PSMG2: variants seen among roughly 807,000 people sequenced by gnomAD.
The protein encoded by PSMG2 is proteasome assembly chaperone 2.
In PSMG2, 21 loss-of-function variants were observed where a neutral mutation model predicts 31.5. The observed-to-expected ratio is 0.67, with a 90% CI of 0.47 to 0.96. The LOEUF (loss-of-function observed/expected upper bound fraction) is 0.96. Among genes scored for constraint, PSMG2 ranks in the 40% least tolerant of loss-of-function variants. PSMG2 has a pLI of 0.00. For synonymous variants in PSMG2, 120 were observed against 110.4 expected (o/e 1.09, Z -0.54); for missense variants, 318 against 321.2 (o/e 0.99, Z 0.08).
At chr18:12,705,129 A>G (rs1032755813) in intron 1 of PSMG2, among the ~76,000 whole-genome samples, 8 of 151,580 alleles carry the variant, frequency 5.3e-5, no homozygotes, top group African/African-American at 1.7e-4. Flanking sequence ...CAATGGCACG[A>G]TCTTGGCTCA....
intron 1 of PSMG2, among the ~76,000 whole-genome samples, chr18:12,680,051 G>C (rs1052579911): frequency 7.9e-6 from 1 of 127,362 alleles, no homozygotes; most frequent in African/African-American, 2.8e-5. Context: ...ATGAGACACT[G>C]CAAAAAAAAA....
chr18:12,712,174 T>C, intron 2 of PSMG2, among the ~76,000 whole-genome samples: 1 of 152,180 alleles, frequency 6.6e-6, no homozygotes, highest in Non-Finnish European at 1.5e-5. Flanking sequence ...TACAAACACA[T>C]TGACTCACAT....
At chr18:12,679,703 A>C (rs944729617) in intron 1 of PSMG2, among the ~76,000 whole-genome samples, 1 of 152,190 alleles carries the variant, frequency 6.6e-6, no homozygotes, top group African/African-American at 2.4e-5. Context: ...ACCACATCAA[A>C]TTTTAAAAAG....
intron 1 of PSMG2, among the ~76,000 whole-genome samples, chr18:12,669,618 T>C (rs2038888742): frequency 6.6e-6 from 1 of 152,170 alleles, no homozygotes; most frequent in African/African-American, 2.4e-5. Flanking sequence ...GAACACCACC[T>C]TGGAGACATT....
intron 1 of PSMG2, chr18:12,697,518 G>A: frequency 1.4e-6 from 1 of 737,084 alleles, no homozygotes; most frequent in Non-Finnish European, 2.1e-6. Context: ...AAACCAAAGA[G>A]AACAATTTGC....
chr18:12,675,349 T>A (rs921129204), intron 1 of PSMG2, among the ~76,000 whole-genome samples: 1 of 151,962 alleles, frequency 6.6e-6, no homozygotes, highest in African/African-American at 2.4e-5. Flanking sequence ...TGAGCCGAGA[T>A]CGTGCCACTG....
chr18:12,722,060 C>G (rs1463232007), intron 5 of PSMG2, among the ~76,000 whole-genome samples: 2 of 152,156 alleles, frequency 1.3e-5, no homozygotes, highest in Admixed American at 1.3e-4. Context: ...GCAATCTTGC[C>G]TTTTCCTGTC....
intron 1 of PSMG2, chr18:12,678,126 C>T (rs1351631133): frequency 6.2e-7 from 1 of 1,611,910 alleles, no homozygotes; most frequent in Non-Finnish European, 8.5e-7. Context: ...TGTTCTGACA[C>T]CAGGAGCCTC....
At chr18:12,704,879 G>A (rs1316534314) in intron 1 of PSMG2, among the ~76,000 whole-genome samples, 2 of 152,136 alleles carry the variant, frequency 1.3e-5, no homozygotes, top group Non-Finnish European at 2.9e-5. Context: ...TGACAACAGT[G>A]AAAAGTGGGA....
At chr18:12,661,048 C>T (rs2038687098) in intron 1 of PSMG2, among the ~76,000 whole-genome samples, 1 of 152,236 alleles carries the variant, frequency 6.6e-6, no homozygotes, top group South Asian at 2.1e-4. Flanking sequence ...TGGCTCACGC[C>T]TGTAATCCCA....
intron 1 of PSMG2, among the ~76,000 whole-genome samples, chr18:12,686,962 T>C (rs759424301): frequency 9.9e-5 from 15 of 152,170 alleles, no homozygotes; most frequent in Non-Finnish European, 1.5e-4. Flanking sequence ...ACCAAGTCAA[T>C]TGAAAGCAAA....
chr18:12,693,183 A>T (rs993057013), intron 1 of PSMG2, among the ~76,000 whole-genome samples: 1 of 152,346 alleles, frequency 6.6e-6, no homozygotes, highest in South Asian at 2.1e-4. Flanking sequence ...ATAATAGAAT[A>T]AACTTATGTT....
chr18:12,688,110 G>C (rs1439656344), intron 1 of PSMG2, among the ~76,000 whole-genome samples: 4 of 151,294 alleles, frequency 2.6e-5, no homozygotes, highest in African/African-American at 9.7e-5. Flanking sequence ...CCAGGCATGT[G>C]GTCCCAGCAA....
intron 1 of PSMG2, among the ~76,000 whole-genome samples, chr18:12,668,597 CAAAAAAAA>C (rs752216074): frequency 1.9e-4 from 14 of 72,830 alleles, no homozygotes; most frequent in South Asian, 7.6e-4. Flanking sequence ...GATTCCATCT[CAAAAAAAA>C]AAAAAAAAAA....
chr18:12,705,545 AAGAGAGAG>A (rs142910283), intron 1 of PSMG2, among the ~76,000 whole-genome samples: 4,015 of 137,746 alleles, frequency 0.029, 74 homozygotes, highest in Middle Eastern at 0.088. Flanking sequence ...TCATGGGAAA[AAGAGAGAG>A]AGAGAGAGAG....
chr18:12,661,292 G>T (rs758859686), intron 1 of PSMG2: 47 of 796,486 alleles, frequency 5.9e-5, no homozygotes, highest in Non-Finnish European at 7.1e-5. Context: ...TGGGTGACAA[G>T]AGTGAGCCTT....
intron 1 of PSMG2, chr18:12,662,109 C>T: frequency 2.3e-6 from 1 of 440,806 alleles, no homozygotes; most frequent in Non-Finnish European, 4.5e-6. Context: ...AGCACCATCA[C>T]TGTGCAGCCC....
upstream of PSMG2, among the ~76,000 whole-genome samples, chr18:12,701,665 C>T (rs1209816656): frequency 2.0e-5 from 3 of 151,846 alleles, no homozygotes; most frequent in Non-Finnish European, 2.9e-5. Context: ...GCATCTTGCA[C>T]TCAGTCGAGC....
chr18:12,688,910 C>T (rs1166291863), intron 1 of PSMG2, among the ~76,000 whole-genome samples: 2 of 151,924 alleles, frequency 1.3e-5, no homozygotes, highest in African/African-American at 2.4e-5. Flanking sequence ...GTCAGGAGAT[C>T]GAGACCATCC....
Sources: allele counts gnomAD v4.1 joint callset (sites outside exome capture counted in the v4.1 genomes callset), GRCh38; gene constraint gnomAD v4.1.1; transcripts MANE v1.5; gene names NCBI Gene and HGNC (gene_info 2026-07-23, HGNC 2026-07-21).